Variants in ZNF804B observed in about 807,000 individuals in gnomAD.
The protein encoded by ZNF804B is zinc finger 804B.
A neutral mutation model predicts 101.4 loss-of-function variants in ZNF804B; 80 were observed. The observed-to-expected ratio is 0.79, with a 90% confidence interval of 0.66 to 0.95. The LOEUF (loss-of-function observed/expected upper bound fraction) is 0.95, where lower values mean the gene tolerates loss of function less well. ZNF804B is among the 40% of genes least tolerant of loss of function. The pLI, the probability that ZNF804B is intolerant of heterozygous loss-of-function variation, is 0.00. For synonymous variants in ZNF804B, 622 were observed against 558.8 expected, an observed-to-expected ratio of 1.11 and a Z score of -1.59; for missense variants, 1,673 against 1,561.9, an observed-to-expected ratio of 1.07 and a Z score of -1.20.
At chr7:89,137,411 G>C (rs1790653995) in intron 1 of ZNF804B, among the ~76,000 whole-genome samples, 1 of 152,092 alleles carries the variant, frequency 6.6e-6, no homozygotes, top group Non-Finnish European at 1.5e-5. Context: ...TAAGGTCCAG[G>C]CTGAGGTGGT....
At chr7:88,967,822 C>T (rs566101597) in intron 1 of ZNF804B, among the ~76,000 whole-genome samples, 5 of 151,178 alleles carry the variant, frequency 3.3e-5, no homozygotes, top group African/African-American at 1.2e-4. Context: ...AAAATTGTTC[C>T]TGGAGCCAGA....
chr7:88,962,073 G>A (rs1409679540), intron 1 of ZNF804B, among the ~76,000 whole-genome samples: 2 of 151,176 alleles, frequency 1.3e-5, no homozygotes, highest in African/African-American at 2.4e-5. Context: ...TAGTTTTATT[G>A]TCAAAATGGT....
At chr7:89,016,093 G>A (rs1014895333) in intron 1 of ZNF804B, among the ~76,000 whole-genome samples, 9 of 152,088 alleles carry the variant, frequency 5.9e-5, no homozygotes, top group African/African-American at 1.9e-4. Context: ...GCCAGTGATG[G>A]TGAGCATTTT....
intron 1 of ZNF804B, among the ~76,000 whole-genome samples, chr7:88,901,559 C>T (rs998680001): frequency 2.0e-5 from 3 of 151,418 alleles, no homozygotes; most frequent in Admixed American, 2.0e-4. Context: ...ATCTGCAGTT[C>T]TCTTGATAAT....
chr7:89,274,163 C>T (rs1271054164), intron 2 of ZNF804B, among the ~76,000 whole-genome samples: 8 of 140,974 alleles, frequency 5.7e-5, no homozygotes, highest in African/African-American at 5.5e-5. Context: ...TTTTCTTTTT[C>T]TTTTTTTTTA....
chr7:89,006,601 A>T (rs1376729885), intron 1 of ZNF804B, among the ~76,000 whole-genome samples: 3 of 152,056 alleles, frequency 2.0e-5, no homozygotes. Flanking sequence ...AAAGTATAGC[A>T]CAATTGATGT....
intron 1 of ZNF804B, among the ~76,000 whole-genome samples, chr7:88,970,495 G>T (rs1793518838): frequency 6.6e-6 from 1 of 151,424 alleles, no homozygotes; most frequent in Admixed American, 6.6e-5. Flanking sequence ...TTGTAATTTT[G>T]CAGGTCTAAT....
At chr7:89,297,285 A>G (rs781100946) in intron 2 of ZNF804B, among the ~76,000 whole-genome samples, 2 of 152,028 alleles carry the variant, frequency 1.3e-5, no homozygotes, top group Non-Finnish European at 2.9e-5. Context: ...TGTTGATGAA[A>G]TGTTTTCTCT....
At chr7:88,901,093 A>G (rs1289697157) in intron 1 of ZNF804B, among the ~76,000 whole-genome samples, 1 of 151,816 alleles carries the variant, frequency 6.6e-6, no homozygotes, top group Non-Finnish European at 1.5e-5. Flanking sequence ...CATAAAAGGT[A>G]TAATCACAGT....
Position 88,854,429 on chromosome 7 carries a change from T to TCC in ZNF804B, c.108+94345_108+94346insCC, listed in dbSNP as rs1356566067. 2.0e-4 allele frequency among the ~76,000 whole-genome samples: 24 copies of TCC among 120,122 alleles called. 2 individuals carry two copies. Among genetic ancestry groups the TCC allele is most frequent in the South Asian group, 8.9e-4 (3 of 3,368 alleles). 78.8% of individuals were successfully genotyped at this position (120,122 alleles called of 152,430 possible). On this transcript the variant is annotated intron_variant, in intron 1 of 3. Transcript: ENST00000333190. The stretch of plus-strand genomic sequence containing the variant: ...TTTCTTTCTTCCTTTCTTTCTTTCT[T>TCC]TCTTTCTTTCTTTCTTTCTTTCTTT...
chr7:89,139,944 C>G (rs1017814798), intron 1 of ZNF804B, among the ~76,000 whole-genome samples: 4 of 152,026 alleles, frequency 2.6e-5, no homozygotes, highest in African/African-American at 4.8e-5. Flanking sequence ...TCACATCCAT[C>G]AGAGGAATGA....
rs543597830 is a variant in ZNF804B, at chr7:89,034,823, C to T, written c.109-183332C>T. 2.1e-4 allele frequency among the ~76,000 whole-genome samples: 32 copies of T among 152,184 alleles called. No homozygotes were observed. The East Asian group carries it at 6.2e-3, about 29-fold the overall frequency. On this transcript the variant is annotated intron_variant, in intron 1 of 3. Coordinates refer to ENST00000333190, the MANE Select transcript of ZNF804B (RefSeq NM_181646.5). Reference sequence around the variant, plus strand: ...TGGTTGTAGATCCTTGAGGAATTGCCAGACTGTCTTCCACAATGTTTGAAC... The same window carrying T: ...TGGTTGTAGATCCTTGAGGAATTGCTAGACTGTCTTCCACAATGTTTGAAC...
At chr7:89,156,003 C>CT (rs1790956631) in intron 1 of ZNF804B, among the ~76,000 whole-genome samples, 3 of 126,178 alleles carry the variant, frequency 2.4e-5, no homozygotes, top group East Asian at 2.1e-4. Flanking sequence ...TTCTTTCTTT[C>CT]TTTCTTTCTC....
chr7:89,096,474 T>G (rs1193604301), intron 1 of ZNF804B, among the ~76,000 whole-genome samples: 2 of 152,152 alleles, frequency 1.3e-5, no homozygotes, highest in Non-Finnish European at 2.9e-5. Flanking sequence ...TGGCCTTGCT[T>G]AGAGCCTTCT....
intron 2 of ZNF804B, among the ~76,000 whole-genome samples, chr7:89,302,106 AT>A (rs1199801510): frequency 1.3e-5 from 2 of 151,934 alleles, no homozygotes; most frequent in Non-Finnish European, 2.9e-5. Flanking sequence ...AATGTCTTAC[AT>A]GTTCATTATC....
At chr7:88,780,417 C>G (rs1251685163) in intron 1 of ZNF804B, among the ~76,000 whole-genome samples, 2 of 116,340 alleles carry the variant, frequency 1.7e-5, no homozygotes, top group Non-Finnish European at 3.2e-5. Context: ...GAGAGAGGAT[C>G]TCACTCTGTC....
chr7:89,023,512 C>T (rs183180761), intron 1 of ZNF804B, among the ~76,000 whole-genome samples: 31 of 152,186 alleles, frequency 2.0e-4, no homozygotes, highest in Non-Finnish European at 3.7e-4. Flanking sequence ...GCATTTTGGT[C>T]CTTAAATTGG....
intron 1 of ZNF804B, among the ~76,000 whole-genome samples, chr7:89,033,666 A>T (rs1788876096): frequency 6.6e-6 from 1 of 152,180 alleles, no homozygotes; most frequent in Non-Finnish European, 1.5e-5. Context: ...TTTGTAAAAA[A>T]AAAATTATGT....
At chr7:89,144,227 A>G (rs568175983) in intron 1 of ZNF804B, among the ~76,000 whole-genome samples, 12 of 152,042 alleles carry the variant, frequency 7.9e-5, no homozygotes, top group Admixed American at 3.9e-4. Context: ...TTTATTTTCA[A>G]TGGATCCTAT....
Sources: gnomAD v4.1 joint callset for allele counts (sites outside exome capture counted in the v4.1 genomes callset) on GRCh38, gnomAD v4.1.1 for gene constraint, MANE v1.5 for transcripts, NCBI Gene and HGNC (gene_info 2026-07-23, HGNC 2026-07-21) for gene names.